The following BCHE variants were observed in gnomAD, a reference collection of about 807,000 sequenced individuals.
The protein encoded by BCHE is cholinesterase.
Under a neutral mutation model 51.3 loss-of-function variants are expected in BCHE, and 48 were observed. The observed-to-expected ratio is 0.94, with a 90% confidence interval of 0.74 to 1.19. The LOEUF (loss-of-function observed/expected upper bound fraction) is 1.19, where lower values mean the gene tolerates loss of function less well. Among genes scored for constraint, BCHE ranks in the 50% most tolerant of loss-of-function variants. The probability of loss-of-function intolerance (pLI) is 0.00; values close to 1 mark genes in which losing one functional copy is unlikely to be tolerated. For missense variants in BCHE, 847 were observed against 708.2 expected (o/e 1.20, Z -2.23); for synonymous variants, 251 against 238.0 (o/e 1.05, Z -0.50).
chr3:165,786,516 T>C (rs1712960694), intron 2 of BCHE, among the ~76,000 whole-genome samples: 1 of 151,846 alleles, frequency 6.6e-6, no homozygotes, highest in African/African-American at 2.4e-5. Flanking sequence ...ATTGTAAGAA[T>C]TGAAATTTAA....
At chr3:165,781,570 A>G (rs1384398419) in intron 3 of BCHE, among the ~76,000 whole-genome samples, 1 of 151,570 alleles carries the variant, frequency 6.6e-6, no homozygotes, top group East Asian at 2.0e-4. Context: ...GGAGGGGAAC[A>G]GTACACACTG....
In BCHE at chr3:165,830,123, T is replaced by A; in HGVS notation, c.911A>T (p.Glu304Val). Residue 304 changes from glutamate (E) to valine (V), a missense_variant, in exon 2 of 4, where the codon GAA becomes GTA. By Grantham distance (121) the Glu-to-Val change is moderately radical. Coordinates refer to ENST00000264381, the MANE Select transcript of BCHE (RefSeq NM_000055.4). ...NKDPQEILLN[E>V]AFVVPYGTPL... ...AGTCCCATAGGGGACAACAAATGCT[T>A]CATTCAGAAGAATTTCTTGGGGATC... 1 of 1,613,888 alleles carries A rather than the reference T, an allele frequency of 6.2e-7. No homozygotes were observed. Among genetic ancestry groups the A allele is most frequent in the Non-Finnish European group, 8.5e-7 (1 of 1,179,904 alleles).
intron 2 of BCHE, among the ~76,000 whole-genome samples, chr3:165,816,175 G>A (rs1403736986): frequency 6.6e-6 from 1 of 151,364 alleles, no homozygotes; most frequent in Non-Finnish European, 1.5e-5. Flanking sequence ...TTTTCTCTTT[G>A]CTACCTGTCT....
At chr3:165,782,428 C>T (rs973928904) in intron 3 of BCHE, among the ~76,000 whole-genome samples, 1 of 151,994 alleles carries the variant, frequency 6.6e-6, no homozygotes, top group African/African-American at 2.4e-5. Context: ...AATTTATAAA[C>T]ACATTGGCAT....
At chr3:165,779,042 G>T (rs1576833763) in intron 3 of BCHE, among the ~76,000 whole-genome samples, 1 of 152,044 alleles carries the variant, frequency 6.6e-6, no homozygotes, top group African/African-American at 2.4e-5. Context: ...ACTTATGTTG[G>T]CTTTAACAAA....
chr3:165,792,257 A>G (rs1484359045), intron 2 of BCHE, among the ~76,000 whole-genome samples: 1 of 152,154 alleles, frequency 6.6e-6, no homozygotes, highest in East Asian at 1.9e-4. Context: ...TACTTCAAGG[A>G]AACTTCAAAT....
chr3:165,786,355 G>T (rs1321451936), intron 2 of BCHE, 44 bp from the exon 3 acceptor site: 2 of 1,518,086 alleles, frequency 1.3e-6, no homozygotes, highest in Non-Finnish European at 1.8e-6. Flanking sequence ...TGAAATCATT[G>T]TTAGATTAAA....
intron 2 of BCHE, among the ~76,000 whole-genome samples, chr3:165,817,465 G>A (rs1045675079): frequency 6.6e-6 from 1 of 151,928 alleles, no homozygotes; most frequent in Non-Finnish European, 1.5e-5. Flanking sequence ...CATATATCTT[G>A]GCTCTTTGTA....
intron 2 of BCHE, among the ~76,000 whole-genome samples, chr3:165,812,028 G>C (rs981593812): frequency 3.3e-5 from 5 of 151,496 alleles, no homozygotes; most frequent in African/African-American, 1.2e-4. Context: ...CAAAGTATCT[G>C]AAGGCTGTAT....
At chr3:165,773,588 A>T in intron 3 of BCHE, 82 bp from the exon 4 acceptor site, 2 of 1,240,956 alleles carry the variant, frequency 1.6e-6, no homozygotes, top group Non-Finnish European at 2.3e-6. Context: ...TACAAAAGCC[A>T]TTTTCTCTAA....
intron 2 of BCHE, among the ~76,000 whole-genome samples, chr3:165,808,467 G>C (rs1432183239): frequency 6.6e-6 from 1 of 151,442 alleles, no homozygotes; most frequent in Non-Finnish European, 1.5e-5. Flanking sequence ...ATTCCTTTTA[G>C]TAGCTGTTGA....
chr3:165,823,131 A>C (rs901048636), intron 2 of BCHE, among the ~76,000 whole-genome samples: 3 of 152,160 alleles, frequency 2.0e-5, no homozygotes, highest in Admixed American at 6.6e-5. Flanking sequence ...GGCCTAAATT[A>C]TATTATGACT....
intron 2 of BCHE, among the ~76,000 whole-genome samples, chr3:165,801,545 A>C (rs2108214402): frequency 6.6e-6 from 1 of 152,302 alleles, no homozygotes; most frequent in South Asian, 2.1e-4. Flanking sequence ...TATAATATAC[A>C]TTATAAAGAT....
intron 2 of BCHE, among the ~76,000 whole-genome samples, chr3:165,808,140 C>A (rs1188110962): frequency 6.6e-6 from 1 of 151,970 alleles, no homozygotes; most frequent in African/African-American, 2.4e-5. Context: ...CCTGCCACCA[C>A]GCCTGGCTAA....
At chr3:165,818,504 G>C (rs1178368608) in intron 2 of BCHE, among the ~76,000 whole-genome samples, 1 of 152,076 alleles carries the variant, frequency 6.6e-6, no homozygotes, top group African/African-American at 2.4e-5. Context: ...AAAGACAAAT[G>C]TTAGTTGTGT....
chr3:165,821,070 T>G (rs1328004170), intron 2 of BCHE, among the ~76,000 whole-genome samples: 3 of 151,912 alleles, frequency 2.0e-5, no homozygotes, highest in African/African-American at 2.4e-5. Context: ...ATTTCAGCAC[T>G]TTAAAATTCT....
Position 165,817,267 on chromosome 3 carries a change from A to G in BCHE, c.1517+12250T>C, listed in dbSNP as rs147787357. The stretch of plus-strand genomic sequence containing the variant: ...ATTTTTTCCCACTTTTACCTAATCT[A>G]TGATCATTTCTCAACTGGATTGCTG... On this transcript the variant is annotated intron_variant, in intron 2 of 3. Coordinates refer to ENST00000264381, the MANE Select transcript of BCHE (RefSeq NM_000055.4). 3.0e-4 allele frequency among the ~76,000 whole-genome samples: 45 copies of G among 152,078 alleles called. No individual in the cohort carries two copies. The East Asian group carries it at 8.3e-3, about 28-fold the overall frequency.
chr3:165,799,502 T>C (rs992042532), intron 2 of BCHE, among the ~76,000 whole-genome samples: 9 of 152,096 alleles, frequency 5.9e-5, no homozygotes, highest in Non-Finnish European at 7.4e-5. Flanking sequence ...TATTTGTATA[T>C]CTACATAAAA....
At chr3:165,833,879 A>C (rs1207358147) in intron 1 of BCHE, among the ~76,000 whole-genome samples, 1 of 152,120 alleles carries the variant, frequency 6.6e-6, no homozygotes, top group East Asian at 1.9e-4. Flanking sequence ...GCTGCAATTT[A>C]ATAAATTAAT....
Sources: gnomAD v4.1 joint callset for allele counts (sites outside exome capture counted in the v4.1 genomes callset) on GRCh38, gnomAD v4.1.1 for gene constraint, MANE v1.5 for transcripts, NCBI Gene and HGNC (gene_info 2026-07-23, HGNC 2026-07-21) for gene names.